Variants in PLCH1 observed in about 807,000 individuals in gnomAD.
The protein encoded by PLCH1 is 1-phosphatidylinositol 4,5-bisphosphate phosphodiesterase eta-1.
PLCH1 carries 60 observed loss-of-function variants against 126.7 expected under a neutral mutation model. The ratio of observed to expected loss-of-function variants is 0.47; its 90% confidence interval spans 0.38 to 0.59. PLCH1 has a LOEUF of 0.59. Among genes scored for constraint, PLCH1 ranks in the 20% least tolerant of loss-of-function variants. PLCH1 has a pLI of 0.00. For synonymous variants in PLCH1, 719 were observed against 734.9 expected, an observed-to-expected ratio of 0.98 and a Z score of 0.35; for missense variants, 1,723 against 2,040.0, an observed-to-expected ratio of 0.84 and a Z score of 2.99.
chr3:155,527,026 ACTCC>A (rs939268175), intron 10 of PLCH1, among the ~76,000 whole-genome samples: 1 of 151,398 alleles, frequency 6.6e-6, no homozygotes, highest in Non-Finnish European at 1.5e-5. Flanking sequence ...TGTCCACCCT[ACTCC>A]CTCCACCCAC....
intron 11 of PLCH1, among the ~76,000 whole-genome samples, chr3:155,515,761 T>C (rs758084103): frequency 4.6e-5 from 7 of 151,710 alleles, no homozygotes; most frequent in Non-Finnish European, 1.0e-4. Flanking sequence ...CTGTTTCCAA[T>C]ACCTTTCCAT....
At chr3:155,611,261 G>A (rs1184447997) in intron 2 of PLCH1, among the ~76,000 whole-genome samples, 1 of 151,816 alleles carries the variant, frequency 6.6e-6, no homozygotes, top group Non-Finnish European at 1.5e-5. Context: ...TCGTGGTGGA[G>A]TCCTGTAATC....
chr3:155,550,883 T>C (rs1054113439), intron 9 of PLCH1, among the ~76,000 whole-genome samples: 32 of 152,184 alleles, frequency 2.1e-4, no homozygotes, highest in African/African-American at 7.0e-4. Flanking sequence ...AGTTCCACAA[T>C]ACGGGCTATG....
intron 2 of PLCH1, among the ~76,000 whole-genome samples, chr3:155,702,884 G>A (rs186568563): frequency 6.6e-6 from 1 of 152,302 alleles, no homozygotes; most frequent in Admixed American, 6.5e-5. Flanking sequence ...GCTGAGGCTA[G>A]AGAAAAGCAA....
At chr3:155,733,181 A>G (rs1748899504) in intron 1 of PLCH1, among the ~76,000 whole-genome samples, 1 of 152,200 alleles carries the variant, frequency 6.6e-6, no homozygotes, top group Admixed American at 6.5e-5. Flanking sequence ...CAAAATTCCA[A>G]TGACAGTTTT....
intron 2 of PLCH1, among the ~76,000 whole-genome samples, chr3:155,660,198 G>A (rs1391207223): frequency 6.6e-6 from 1 of 152,208 alleles, no homozygotes; most frequent in African/African-American, 2.4e-5. Context: ...ACAATTGAAA[G>A]TCGGACTTTT....
In PLCH1 at chr3:155,481,459, C is replaced by T. The variant is rs1233785477; in HGVS notation, c.4567G>A (p.Val1523Met). 1.9e-6 allele frequency: 3 copies of T among 1,614,096 alleles called. No homozygotes were observed. The highest frequency in any genetic ancestry group is 2.7e-5 in the African/African-American group (2 of 74,914). Residue 1523 changes from valine (V) to methionine (M), a missense_variant, in exon 23 of 23, where the codon GTG (valine) becomes ATG (methionine). Physicochemically the swap from Val to Met is conservative, Grantham distance 21 (BLOSUM62 1). This residue lies in a region of PLCH1 where 947 missense variants were observed against 977.1 expected (regional missense o/e 0.97). Transcript: ENST00000460012. This position sits in a 1 kb window ranked among gnomAD's most constrained non-coding sequence, Gnocchi z 4.2. ...TGIRDKKGVT[V>M]KTKSLEPIDA... ...ATAGGCTCTAACGACTTTGTCTTCA[C>T]AGTCACGCCCTTCTTGTCTCTAATG...
chr3:155,739,753 G>A (rs1013901200), intron 1 of PLCH1, among the ~76,000 whole-genome samples: 1 of 152,162 alleles, frequency 6.6e-6, no homozygotes, highest in Admixed American at 6.5e-5. Flanking sequence ...TTCCACGTTC[G>A]TCTGTCCCAT....
chr3:155,474,663 A>G (rs1293685127), intron 21 of PLCH1, among the ~76,000 whole-genome samples: 19 of 129,116 alleles, frequency 1.5e-4, no homozygotes, highest in African/African-American at 5.6e-4. Context: ...AATAGCAAAG[A>G]CTTGGAACCA....
At chr3:155,683,740 A>G (rs1168488094) in intron 2 of PLCH1, among the ~76,000 whole-genome samples, 1 of 152,240 alleles carries the variant, frequency 6.6e-6, no homozygotes, top group Non-Finnish European at 1.5e-5. Context: ...GGTTGTTGAC[A>G]GTGACATATA....
At position 155,492,759 on chromosome 3, in the gene PLCH1, A is replaced by T; in HGVS notation, c.2277T>A (p.Pro759=). 6.2e-7 allele frequency: 1 copy of T among 1,603,082 alleles called. No individual in the cohort carries two copies. The highest frequency in any genetic ancestry group is 1.3e-5 in the African/African-American group (1 of 74,552). The change falls in exon 18 of 23, where the codon CCT becomes CCA. Residue 759 remains proline, a synonymous_variant. Transcript: ENST00000460012. ...CTCGATCTCCAAACATGGAGTCTGG[A>T]GGTTTGGGGAGTTGCTGTCCACTGA... The part of the protein sequence containing the change: ...KVISGQQLPK[P]PDSMFGDRGE...
intron 2 of PLCH1, among the ~76,000 whole-genome samples, chr3:155,657,507 T>C (rs1463060101): frequency 4.6e-5 from 7 of 152,164 alleles, no homozygotes; most frequent in Admixed American, 4.6e-4. Flanking sequence ...AGTGCATATA[T>C]GTGAGAAAAC....
intron 2 of PLCH1, among the ~76,000 whole-genome samples, chr3:155,653,632 C>G (rs923145880): frequency 6.6e-6 from 1 of 152,156 alleles, no homozygotes; most frequent in African/African-American, 2.4e-5. Flanking sequence ...TTCATTTCAT[C>G]ACATCCAAAA....
chr3:155,610,355 G>A (rs1734890669), intron 2 of PLCH1, among the ~76,000 whole-genome samples: 1 of 111,512 alleles, frequency 9.0e-6, no homozygotes, highest in African/African-American at 3.8e-5. Context: ...GAGCAAAACT[G>A]CGTCTGGAGA....
chr3:155,481,100 C>G lies in PLCH1; in HGVS notation c.4926G>C (p.Arg1642=). Reference sequence around the variant, plus strand: ...CCGTGCATGCCCCCTCTGGGATGCCCCGGCCTTCAAGGCCACCCCCTTTCG... The same window carrying G: ...CCGTGCATGCCCCCTCTGGGATGCCGCGGCCTTCAAGGCCACCCCCTTTCG... ...KNTKGGGLEG[R]GIPEGACTAL... is the part of the protein sequence containing the mutation. The change falls in exon 23 of 23, where the codon CGG becomes CGC. Residue 1642 remains arginine (R), a synonymous_variant. Transcript: ENST00000460012. This position sits in a 1 kb window ranked among gnomAD's most constrained non-coding sequence, Gnocchi z 4.2. The G allele has an allele frequency of 1.2e-6, 2 of 1,614,198 alleles. No homozygotes were observed. Among genetic ancestry groups the G allele is most frequent in the South Asian group, 2.2e-5 (2 of 91,084 alleles).
intron 21 of PLCH1, among the ~76,000 whole-genome samples, chr3:155,463,759 G>A (rs1712816995): frequency 6.6e-6 from 1 of 152,096 alleles, no homozygotes; most frequent in African/African-American, 2.4e-5. Context: ...AAAATGGACT[G>A]GATGGAAACC....
At chr3:155,661,797 C>T (rs958526766) in intron 2 of PLCH1, among the ~76,000 whole-genome samples, 1 of 152,192 alleles carries the variant, frequency 6.6e-6, no homozygotes, top group African/African-American at 2.4e-5. Context: ...TTGTGGTCTG[C>T]TCTCTGTTCA....
At chr3:155,711,254 AT>A (rs1220967069) in intron 1 of PLCH1, among the ~76,000 whole-genome samples, 1 of 152,212 alleles carries the variant, frequency 6.6e-6, no homozygotes, top group Non-Finnish European at 1.5e-5. Context: ...TCCTAAGCTC[AT>A]TTTATAAGTG....
At chr3:155,587,354 C>A (rs1731514705) in intron 4 of PLCH1, among the ~76,000 whole-genome samples, 1 of 152,172 alleles carries the variant, frequency 6.6e-6, no homozygotes, top group African/African-American at 2.4e-5. Context: ...AGACATTTAG[C>A]AAATTAGACC....
Sources: gnomAD v4.1 joint callset for allele counts (sites outside exome capture counted in the v4.1 genomes callset) on GRCh38, gnomAD v4.1.1 for gene constraint, gnomAD v4.1.1 regional missense constraint, Gnocchi (gnomAD v3.1) non-coding constraint, MANE v1.5 for transcripts, NCBI Gene and HGNC (gene_info 2026-07-23, HGNC 2026-07-21) for gene names.